The following FBXW10B variants were observed in gnomAD, a reference collection of about 807,000 sequenced individuals.
The protein encoded by FBXW10B is F-box and WD repeat domain containing 10B.
At chr17:15,612,772 G>T in the FBXW10B span, 1 of 1,613,846 alleles carries the variant, frequency 6.2e-7, no homozygotes, top group Admixed American at 1.7e-5. Context: ...TTAGGAACTG[G>T]GATAGAAACC....
At chr17:15,570,042 A>G in the FBXW10B span, among the ~76,000 whole-genome samples, 16,798 of 152,284 alleles carry the variant, frequency 0.11, 1,085 homozygotes, top group Middle Eastern at 0.17. Flanking sequence ...ACAGAGGTGA[A>G]CAAAACAGAA....
At chr17:15,615,175 G>C in the FBXW10B span, among the ~76,000 whole-genome samples, 385 of 151,472 alleles carry the variant, frequency 2.5e-3, no homozygotes, top group African/African-American at 9.1e-3. Flanking sequence ...AATTAGATGG[G>C]AAAGTAATGT....
chr17:15,595,918 C>CTTTTT, the FBXW10B span, among the ~76,000 whole-genome samples: 5 of 140,818 alleles, frequency 3.6e-5, no homozygotes, highest in Admixed American at 1.4e-4. Context: ...ATGCAATACT[C>CTTTTT]TTTTTTTTTT....
chr17:15,600,232 T>A, the FBXW10B span, among the ~76,000 whole-genome samples: 310 of 138,398 alleles, frequency 2.2e-3, no homozygotes, highest in East Asian at 0.026. Context: ...AAAAAAAAAA[T>A]GTACTTACTT....
the FBXW10B span, chr17:15,605,593 T>A: frequency 1.1e-6 from 1 of 911,392 alleles, no homozygotes; most frequent in African/African-American, 1.8e-5. Flanking sequence ...CTCTGAGGGA[T>A]CCCCACTCTC....
At chr17:15,613,855 G>A in the FBXW10B span, 90 of 1,608,262 alleles carry the variant, frequency 5.6e-5, 2 homozygotes, top group African/African-American at 1.1e-3. Context: ...TGGAGAGGTG[G>A]ATGGGCAGGT....
chr17:15,589,101 G>T, the FBXW10B span: 1 of 1,554,120 alleles, frequency 6.4e-7, no homozygotes, highest in South Asian at 1.1e-5. Flanking sequence ...GTCCTGCGAT[G>T]TGGAGTCTCA....
chr17:15,616,461 C>A, the FBXW10B span, among the ~76,000 whole-genome samples: 1 of 151,830 alleles, frequency 6.6e-6, no homozygotes, highest in East Asian at 2.0e-4. Flanking sequence ...TGAGCCACTG[C>A]GCCCAACCAG....
At chr17:15,612,603 T>C in the FBXW10B span, 3 of 1,550,192 alleles carry the variant, frequency 1.9e-6, no homozygotes, top group African/African-American at 4.1e-5. Context: ...GCCGTGATCC[T>C]CTGTCCTCAC....
At chr17:15,591,820 A>G in the FBXW10B span, among the ~76,000 whole-genome samples, 1,017 of 152,192 alleles carry the variant, frequency 6.7e-3, 10 homozygotes, top group African/African-American at 0.023. Flanking sequence ...CCACACAGAC[A>G]CCACACACTC....
chr17:15,583,315 T>C, the FBXW10B span, among the ~76,000 whole-genome samples: 90 of 131,826 alleles, frequency 6.8e-4, 1 homozygote, highest in South Asian at 0.018. Context: ...CTCCCACCCA[T>C]CCATCGGGTC....
chr17:15,593,529 C>A, the FBXW10B span: 1 of 1,608,598 alleles, frequency 6.2e-7, no homozygotes, highest in East Asian at 2.2e-5. Flanking sequence ...CAGTACCCAT[C>A]CTCTCATAAA....
the FBXW10B span, among the ~76,000 whole-genome samples, chr17:15,583,033 C>T: frequency 6.7e-6 from 1 of 149,164 alleles, no homozygotes; most frequent in Non-Finnish European, 1.5e-5. Context: ...TCTCTCTTTG[C>T]TGACTTCCAC....
chr17:15,578,072 G>A, the FBXW10B span, among the ~76,000 whole-genome samples: 3 of 151,528 alleles, frequency 2.0e-5, no homozygotes, highest in South Asian at 2.1e-4. Flanking sequence ...AAAAGATGGA[G>A]AGAAGTGTTT....
the FBXW10B span, among the ~76,000 whole-genome samples, chr17:15,582,113 C>T: frequency 6.7e-6 from 1 of 149,562 alleles, no homozygotes; most frequent in East Asian, 2.0e-4. Flanking sequence ...CGTCTCCAGG[C>T]TTGGGATGCT....
chr17:15,595,396 G>GGAGT, the FBXW10B span, among the ~76,000 whole-genome samples: 1 of 152,062 alleles, frequency 6.6e-6, no homozygotes, highest in Non-Finnish European at 1.5e-5. Flanking sequence ...GAAGGCCAAT[G>GGAGT]GAGTCCATTC....
At chr17:15,614,874 G>A in the FBXW10B span, among the ~76,000 whole-genome samples, 1 of 152,132 alleles carries the variant, frequency 6.6e-6, no homozygotes, top group South Asian at 2.1e-4. Flanking sequence ...TTGAGGTGGG[G>A]AACCAAATTC....
the FBXW10B span, among the ~76,000 whole-genome samples, chr17:15,575,022 A>G: frequency 6.9e-6 from 1 of 144,992 alleles, no homozygotes; most frequent in Non-Finnish European, 1.5e-5. Context: ...ACGAAGCTGC[A>G]TATCTGCTTG....
At chr17:15,606,600 TA>T in the FBXW10B span, among the ~76,000 whole-genome samples, 6 of 129,548 alleles carry the variant, frequency 4.6e-5, no homozygotes, top group Non-Finnish European at 7.8e-5. Flanking sequence ...TATATACATA[TA>T]TTTTTATGTA....
Sources: allele counts gnomAD v4.1 joint callset (sites outside exome capture counted in the v4.1 genomes callset), GRCh38; gene constraint gnomAD v4.1.1; transcripts MANE v1.5; gene names NCBI Gene and HGNC (gene_info 2026-07-23, HGNC 2026-07-21).